ADGRG4: variants seen among roughly 807,000 people sequenced by gnomAD.
The protein encoded by ADGRG4 is adhesion G protein-coupled receptor G4, also known as G protein-coupled receptor 112.
Under a neutral mutation model 126.2 loss-of-function variants are expected in ADGRG4, and 122 were observed. The ratio of observed to expected loss-of-function variants is 0.97; its 90% CI spans 0.83 to 1.12. The LOEUF is 1.12. ADGRG4 is among the 50% of genes most tolerant of loss of function. The probability of loss-of-function intolerance (pLI) is 0.00; values close to 1 mark genes in which losing one functional copy is unlikely to be tolerated. For missense variants in ADGRG4, 2,481 were observed against 2,251.8 expected, an observed-to-expected ratio of 1.10 and a Z score of -2.06; for synonymous variants, 943 against 838.7, an observed-to-expected ratio of 1.12 and a Z score of -2.15.
intron 5 of ADGRG4, among the ~76,000 whole-genome samples, chrX:136,332,591 A>G (rs1165226445): frequency 9.0e-6 from 1 of 111,176 alleles, no homozygotes; most frequent in African/African-American, 3.3e-5. Context: ...ACTGACTTCC[A>G]CAATGGTTGC....
chrX:136,326,473 G>T (rs2074873734), intron 5 of ADGRG4, among the ~76,000 whole-genome samples: 1 of 111,881 alleles, frequency 8.9e-6, no homozygotes, highest in African/African-American at 3.3e-5. Flanking sequence ...TGGTCTGGTT[G>T]CAAAACACAT....
At chrX:136,412,162 C>T (rs1365308959) in intron 23 of ADGRG4, 103 bp from the exon 24 acceptor site, 3 of 553,730 alleles carry the variant, frequency 5.4e-6, no homozygotes, top group Non-Finnish European at 9.3e-6. Context: ...CCTGGGGTTC[C>T]TTGAAAGTAG....
intron 13 of ADGRG4, among the ~76,000 whole-genome samples, chrX:136,368,165 A>G (rs889885980): frequency 8.9e-6 from 1 of 112,280 alleles, no homozygotes. Context: ...GATACTGAAG[A>G]GCTCAAGCTT....
chrX:136,413,752 T>G (rs752279247), intron 24 of ADGRG4, among the ~76,000 whole-genome samples: 1,350 of 109,601 alleles, frequency 0.012, 13 homozygotes, highest in Middle Eastern at 0.024. Context: ...TTTTGTTTTT[T>G]TTTTTGAGAC....
At chrX:136,355,966 G>A (rs922099161) in intron 8 of ADGRG4, among the ~76,000 whole-genome samples, 160 bp from the exon 9 acceptor site, 33 of 111,916 alleles carry the variant, frequency 2.9e-4, no homozygotes, top group African/African-American at 9.4e-4. Flanking sequence ...TAATAAGCAA[G>A]CCCATTGGAA....
intron 15 of ADGRG4, among the ~76,000 whole-genome samples, chrX:136,378,694 T>G (rs2148485294): frequency 8.9e-6 from 1 of 111,989 alleles, no homozygotes; most frequent in Admixed American, 9.5e-5. Flanking sequence ...CCTGAAAAGA[T>G]TTATCACAAA....
In ADGRG4 at chrX:136,414,220, T is replaced by A; in HGVS notation, c.9098T>A (p.Phe3033Tyr). 8.3e-7 allele frequency: 1 copy of A among 1,205,923 alleles called. No individual in the cohort carries two copies. The highest frequency in any genetic ancestry group is 1.1e-6 in the Non-Finnish European group (1 of 890,559). Residue 3033 changes from phenylalanine (F) to tyrosine (Y), a missense_variant, in exon 25 of 26, where the codon TTT becomes TAT. By Grantham distance (22) the Phe-to-Tyr change is conservative (BLOSUM62 3). Transcript: ENST00000394143. Reference protein sequence around the residue: ...GYKQEGLKKIFEHKLLTPSLK... With the variant: ...GYKQEGLKKIYEHKLLTPSLK... ...AAACAGGAGGGACTAAAGAAAATCT[T>A]TGAGCACAAACTGTTGACGCCATCT...
At chrX:136,342,917 T>TGAGA (rs1361151546) in intron 5 of ADGRG4, among the ~76,000 whole-genome samples, 1,229 of 64,739 alleles carry the variant, frequency 0.019, 13 homozygotes, top group Middle Eastern at 0.033. Flanking sequence ...TGTGTGTGTG[T>TGAGA]GTGTGAGAGA....
chrX:136,349,150 A>C lies in ADGRG4; in HGVS notation c.5444A>C (p.Asn1815Thr), dbSNP rs1356515495. 8.4e-7 allele frequency: 1 copy of C among 1,197,039 alleles called. No individual in the cohort carries two copies. The highest frequency in any genetic ancestry group is 1.1e-6 in the Non-Finnish European group (1 of 884,060). Residue 1815 changes from asparagine to threonine, a missense_variant, in exon 6 of 26, where the codon AAT becomes ACT. Coordinates refer to ENST00000394143, the MANE Select transcript of ADGRG4 (RefSeq NM_153834.4). ...TTAACAAACTATGCCACATCTTTGA[A>C]TACCCCTGTTTCATACCCTCCATGG... ...TSLTNYATSL[N>T]TPVSYPPWTP...
rs916816794 is a variant in ADGRG4, at chrX:136,387,733, T to C, written c.7777-7T>C. 16 of 1,202,769 alleles carry C rather than the reference T, an allele frequency of 1.3e-5. No homozygotes were observed. Among genetic ancestry groups the C allele is most frequent in the Non-Finnish European group, 1.8e-5 (16 of 892,339 alleles). On this transcript the variant is annotated splice_polypyrimidine_tract_variant and splice_region_variant and intron_variant, in intron 15 of 25. Transcript: ENST00000394143. ...TCCAATTTTCATTTTTTGGCTTTTC[T>C]TGGCAGATTTTCCTAGGCAATGTCC...
intron 24 of ADGRG4, among the ~76,000 whole-genome samples, chrX:136,413,871 G>A (rs1229447318): frequency 9.1e-6 from 1 of 109,998 alleles, no homozygotes; most frequent in African/African-American, 3.3e-5. Flanking sequence ...CTCCAGAGTA[G>A]CTGGGATTAC....
chrX:136,329,051 A>C (rs1447722608), intron 5 of ADGRG4, among the ~76,000 whole-genome samples: 1 of 111,411 alleles, frequency 9.0e-6, no homozygotes, highest in Non-Finnish European at 1.9e-5. Context: ...TTTGAAAAAA[A>C]AAAGTTTCCT....
chrX:136,301,333 G>C (rs1230550451), intron 1 of ADGRG4, among the ~76,000 whole-genome samples: 6 of 112,276 alleles, frequency 5.3e-5, no homozygotes, highest in African/African-American at 1.9e-4. Context: ...TTCTCTGATG[G>C]CCAGTGATGA....
At chrX:136,402,236 C>T (rs2075383135) in intron 21 of ADGRG4, among the ~76,000 whole-genome samples, 1 of 112,149 alleles carries the variant, frequency 8.9e-6, no homozygotes, top group Admixed American at 9.4e-5. Flanking sequence ...GAACCCCTGT[C>T]CAAGACAGTA....
chrX:136,322,790 T>G lies in ADGRG4; in HGVS notation c.83T>G (p.Leu28Arg). 1 of 1,184,423 alleles carries G rather than the reference T, an allele frequency of 8.4e-7. No homozygotes were observed. Among genetic ancestry groups the G allele is most frequent in the Non-Finnish European group, 1.1e-6 (1 of 882,159 alleles). Reference sequence around the variant, plus strand: ...CAAATTTGGACAGATACACTTTCACTAAAAGGAAAAAAGCTGGATTTTTTT... The same window carrying G: ...CAAATTTGGACAGATACACTTTCACGAAAAGGAAAAAAGCTGGATTTTTTT... ...SFIFLSDTLS[L>R]KGKKLDFFGR... Residue 28 changes from leucine (L) to arginine (R), a missense_variant, in exon 5 of 26, where the codon CTA becomes CGA. Transcript: ENST00000394143.
At chrX:136,397,491 CTTTT>C (rs1184936316) in intron 19 of ADGRG4, among the ~76,000 whole-genome samples, 10 of 50,572 alleles carry the variant, frequency 2.0e-4, no homozygotes, top group African/African-American at 7.4e-4. Context: ...AGGAAAAGGA[CTTTT>C]TTTTTTTTTT....
chrX:136,380,652 C>T (rs562720828), intron 15 of ADGRG4, among the ~76,000 whole-genome samples: 2,550 of 57,192 alleles, frequency 0.045, 91 homozygotes, highest in African/African-American at 0.077. Context: ...CTTCTTCTTC[C>T]TCCTCCTCCT....
chrX:136,311,449 G>A (rs922784331), intron 4 of ADGRG4, among the ~76,000 whole-genome samples: 1 of 109,193 alleles, frequency 9.2e-6, no homozygotes, highest in Non-Finnish European at 1.9e-5. Context: ...CCCAAGTGGA[G>A]TAGGACAGGC....
At chrX:136,382,811 A>G (rs1404835622) in intron 15 of ADGRG4, among the ~76,000 whole-genome samples, 1 of 110,456 alleles carries the variant, frequency 9.1e-6, no homozygotes, top group African/African-American at 3.3e-5. Context: ...AGGAACCCAA[A>G]GTGTCCAGGT....
Sources: gnomAD v4.1 joint callset for allele counts (sites outside exome capture counted in the v4.1 genomes callset) on GRCh38, gnomAD v4.1.1 for gene constraint, MANE v1.5 for transcripts, NCBI Gene and HGNC (gene_info 2026-07-23, HGNC 2026-07-21) for gene names.